The following LYPLAL1 variants were observed in gnomAD, a reference collection of about 807,000 sequenced individuals.
LYPLAL1 encodes lysophospholipase like 1.
Under a neutral mutation model 19.7 loss-of-function variants are expected in LYPLAL1, and 23 were observed. The ratio of observed to expected loss-of-function variants is 1.17; its 90% CI spans 0.84 to 1.65. LYPLAL1 has a LOEUF of 1.65. Ranked by LOEUF, LYPLAL1 falls within the 40% of genes most tolerant of loss-of-function variation. The pLI is 0.00. For missense variants in LYPLAL1, 355 were observed against 279.4 expected, an observed-to-expected ratio of 1.27 and a Z score of -1.93; for synonymous variants, 119 against 96.3, an observed-to-expected ratio of 1.24 and a Z score of -1.38.
At chr1:219,344,886 A>G in the LYPLAL1 span, among the ~76,000 whole-genome samples, 1 of 152,138 alleles carries the variant, frequency 6.6e-6, no homozygotes, top group Non-Finnish European at 1.5e-5. Context: ...AACCTCCCCC[A>G]ACACACATAT....
the LYPLAL1 span, among the ~76,000 whole-genome samples, chr1:219,262,096 T>C: frequency 2.6e-5 from 4 of 152,098 alleles, no homozygotes; most frequent in Admixed American, 1.3e-4. Flanking sequence ...AAAAGCCTTG[T>C]TTTTGAGCTT....
At chr1:219,378,934 G>T in the LYPLAL1 span, among the ~76,000 whole-genome samples, 3 of 152,146 alleles carry the variant, frequency 2.0e-5, no homozygotes, top group Non-Finnish European at 4.4e-5. Context: ...CCAAGGGGGA[G>T]AGCTTGTTCA....
At chr1:219,178,097 T>G (rs987920845) in intron 1 of LYPLAL1, among the ~76,000 whole-genome samples, 3 of 152,214 alleles carry the variant, frequency 2.0e-5, no homozygotes, top group African/African-American at 7.2e-5. Context: ...TTTTTGTCAG[T>G]CCTGTTCTAG....
chr1:219,214,192 A>G (rs756446003), downstream of LYPLAL1, among the ~76,000 whole-genome samples: 4 of 152,092 alleles, frequency 2.6e-5, no homozygotes, highest in Admixed American at 6.6e-5. Flanking sequence ...CAATTTTGGT[A>G]TATTGCGTTA....
intron 2 of LYPLAL1, among the ~76,000 whole-genome samples, chr1:219,185,362 C>T (rs1015426457): frequency 2.6e-5 from 4 of 151,454 alleles, no homozygotes; most frequent in Admixed American, 2.6e-4. Flanking sequence ...CTTATTTTCT[C>T]TCTTATTTGC....
At chr1:219,247,263 C>T in the LYPLAL1 span, among the ~76,000 whole-genome samples, 7 of 152,062 alleles carry the variant, frequency 4.6e-5, no homozygotes, top group African/African-American at 1.4e-4. Context: ...TACACTCTAA[C>T]GAATGAGTAA....
the LYPLAL1 span, among the ~76,000 whole-genome samples, chr1:219,410,642 G>A: frequency 2.0e-5 from 3 of 152,246 alleles, no homozygotes; most frequent in African/African-American, 7.2e-5. Flanking sequence ...CTTGCAGGGA[G>A]GTGTGGAGGG....
At chr1:219,242,071 G>A in the LYPLAL1 span, among the ~76,000 whole-genome samples, 1 of 152,144 alleles carries the variant, frequency 6.6e-6, no homozygotes, top group Non-Finnish European at 1.5e-5. Context: ...TTAACCTTTG[G>A]TTAAAGGTAG....
At chr1:219,336,566 T>TA in the LYPLAL1 span, among the ~76,000 whole-genome samples, 1 of 151,954 alleles carries the variant, frequency 6.6e-6, no homozygotes, top group Non-Finnish European at 1.5e-5. Context: ...TAACAATTGT[T>TA]ACTATTTTCT....
At chr1:219,436,476 C>T in the LYPLAL1 span, among the ~76,000 whole-genome samples, 1 of 151,914 alleles carries the variant, frequency 6.6e-6, no homozygotes. Context: ...GTAATAGGGG[C>T]CCTTGGCACT....
the LYPLAL1 span, among the ~76,000 whole-genome samples, chr1:219,341,874 T>A: frequency 3.9e-5 from 6 of 152,150 alleles, no homozygotes; most frequent in Middle Eastern, 3.2e-3. Context: ...CCATGACAGT[T>A]TCTCAATAAG....
the LYPLAL1 span, among the ~76,000 whole-genome samples, chr1:219,441,766 A>G: frequency 6.6e-6 from 1 of 152,030 alleles, no homozygotes; most frequent in Non-Finnish European, 1.5e-5. Flanking sequence ...GCACAAGCAT[A>G]CTCTCCACTC....
chr1:219,413,170 G>A, the LYPLAL1 span, among the ~76,000 whole-genome samples: 1 of 152,044 alleles, frequency 6.6e-6, no homozygotes, highest in African/African-American at 2.4e-5. Flanking sequence ...TGGGGCTAGA[G>A]GAAGCACCCA....
At chr1:219,245,694 C>G in the LYPLAL1 span, among the ~76,000 whole-genome samples, 5 of 152,212 alleles carry the variant, frequency 3.3e-5, no homozygotes, top group East Asian at 9.7e-4. Flanking sequence ...AAAGAAGGAT[C>G]TATATTGTAT....
the LYPLAL1 span, among the ~76,000 whole-genome samples, chr1:219,229,791 G>A: frequency 1.3e-5 from 2 of 152,194 alleles, no homozygotes; most frequent in South Asian, 4.1e-4. Flanking sequence ...CTCATCGCAT[G>A]CCCTGCGAGG....
chr1:219,186,966 T>G (rs1656772223), intron 2 of LYPLAL1, among the ~76,000 whole-genome samples: 1 of 151,744 alleles, frequency 6.6e-6, no homozygotes, highest in African/African-American at 2.4e-5. Context: ...TACTTTATTT[T>G]TTTTCTGATT....
the LYPLAL1 span, among the ~76,000 whole-genome samples, chr1:219,219,580 C>G: frequency 6.6e-6 from 1 of 152,186 alleles, no homozygotes. Context: ...GCAGGGGATG[C>G]CCAGGGGCAT....
the LYPLAL1 span, among the ~76,000 whole-genome samples, chr1:219,249,702 G>A: frequency 6.6e-6 from 1 of 151,920 alleles, no homozygotes; most frequent in Admixed American, 6.6e-5. Context: ...CCCACCCTTG[G>A]TAATTTCTAT....
the LYPLAL1 span, among the ~76,000 whole-genome samples, chr1:219,324,438 A>T: frequency 6.6e-6 from 1 of 152,174 alleles, no homozygotes; most frequent in Admixed American, 6.5e-5. Context: ...CTATCCAAAT[A>T]TAAAGAACAA....
Sources: gnomAD v4.1 joint callset for allele counts (sites outside exome capture counted in the v4.1 genomes callset) on GRCh38, gnomAD v4.1.1 for gene constraint, MANE v1.5 for transcripts, NCBI Gene and HGNC (gene_info 2026-07-23, HGNC 2026-07-21) for gene names.